S100A5: variants seen among roughly 807,000 people sequenced by gnomAD.
S100A5 encodes the protein protein S100-A5.
Under a neutral mutation model 6.7 loss-of-function variants are expected in S100A5, and 5 were observed. The ratio of observed to expected loss-of-function variants is 0.75; its 90% confidence interval spans 0.39 to 1.57. The LOEUF (loss-of-function observed/expected upper bound fraction) is 1.57, where lower values mean the gene tolerates loss of function less well. Among genes scored for constraint, S100A5 ranks in the 40% most tolerant of loss-of-function variants. The pLI is 0.03. For missense variants in S100A5, 129 were observed against 110.8 expected, an observed-to-expected ratio of 1.16 and a Z score of -0.74; for synonymous variants, 49 against 44.9, an observed-to-expected ratio of 1.09 and a Z score of -0.37.
upstream of S100A5, chr1:153,543,154 C>G (rs1376139574): frequency 1.1e-6 from 1 of 917,080 alleles, no homozygotes; most frequent in South Asian, 5.0e-5. Flanking sequence ...AACGTCAGCA[C>G]TGAGTGCCAG....
At chr1:153,542,490 C>T (rs1665420973), upstream of S100A5, among the ~76,000 whole-genome samples, 1 of 152,176 alleles carries the variant, frequency 6.6e-6, no homozygotes, top group Admixed American at 6.5e-5. Flanking sequence ...GAAATTCCTC[C>T]CAAGTCTCTG....
chr1:153,537,312 A>G lies in S100A5; in HGVS notation c.263T>C (p.Leu88Pro). 2 of 1,613,948 alleles carry G rather than the reference A, an allele frequency of 1.2e-6. No homozygotes were observed. The highest frequency in any genetic ancestry group is 1.7e-6 in the Non-Finnish European group (2 of 1,179,852). The change falls in exon 3 of 3, where the codon CTA (leucine) becomes CCA (proline). Residue 88 changes from leucine (L) to proline (P), a missense_variant. By Grantham distance (98) the Leu-to-Pro change is moderately conservative. Coordinates refer to ENST00000368717, the MANE Select transcript of S100A5 (RefSeq NM_001394232.1). ...MLCMAYNDFF[L>P]EDNK ...CAGCCCTGGTCACTTGTTGTCCTCTAGAAAGAAGTCGTTGTAGGCCATGCA... is the reference window on the plus strand; with the variant it reads ...CAGCCCTGGTCACTTGTTGTCCTCTGGAAAGAAGTCGTTGTAGGCCATGCA...
intron 2 of S100A5, among the ~76,000 whole-genome samples, chr1:153,539,424 C>CAAAAAAAA (rs149327889): frequency 2.8e-5 from 1 of 35,138 alleles, no homozygotes; most frequent in African/African-American, 1.3e-4. Flanking sequence ...GAGACTCTCT[C>CAAAAAAAA]AAAAAAAAAA....
chr1:153,537,453 T>C lies in S100A5; in HGVS notation c.139-17A>G. The C allele has an allele frequency of 6.2e-7, 1 of 1,613,586 alleles. No individual in the cohort carries two copies. The highest frequency in any genetic ancestry group is 8.5e-7 in the Non-Finnish European group (1 of 1,179,794). Reference sequence around the variant, plus strand: ...CTCCTTCATCTTTTGTGGACCCAGGTGGAGAGACAGCTCAGACCCCGCTCC... The same window carrying C: ...CTCCTTCATCTTTTGTGGACCCAGGCGGAGAGACAGCTCAGACCCCGCTCC... On this transcript the variant is annotated splice_polypyrimidine_tract_variant and intron_variant, in intron 2 of 2. Transcript: ENST00000368717.
In S100A5 at chr1:153,540,147, C is replaced by T. The variant is rs1185179377; in HGVS notation, c.45G>A (p.Thr15=). Residue 15 remains threonine, a synonymous_variant, in exon 2 of 3, where the codon ACG becomes ACA. Coordinates refer to ENST00000368717, the MANE Select transcript of S100A5 (RefSeq NM_001394232.1). ...CCTCTCTCCCCGAATATTTGTGAAA[C>T]GTGGTCACCATAGTGGTCAGGGCCT... ...LEKALTTMVT[T]FHKYSGREGS... is the part of the protein sequence containing the mutation. 5 of 1,614,144 alleles carry T rather than the reference C, an allele frequency of 3.1e-6. No homozygotes were observed. The highest frequency in any genetic ancestry group is 1.3e-5 in the African/African-American group (1 of 75,032).
chr1:153,538,779 C>A (rs1229949163), intron 2 of S100A5, among the ~76,000 whole-genome samples: 1 of 152,152 alleles, frequency 6.6e-6, no homozygotes, highest in South Asian at 2.1e-4. Context: ...CTCCCACTAG[C>A]GGATTGTCCT....
At chr1:153,541,298 TGGA>T, upstream of S100A5, 2 of 1,118,894 alleles carry the variant, frequency 1.8e-6, no homozygotes, top group Admixed American at 3.8e-5. Context: ...GCCTCCTTGG[TGGA>T]GGTCACCACC....
intron 2 of S100A5, among the ~76,000 whole-genome samples, chr1:153,539,213 G>A (rs1665286870): frequency 6.6e-6 from 1 of 151,528 alleles, no homozygotes; most frequent in East Asian, 1.9e-4. Context: ...GGATCACGAG[G>A]TCAGGTGTTC....
upstream of S100A5, chr1:153,543,555 A>C: frequency 3.4e-6 from 2 of 582,312 alleles, no homozygotes; most frequent in Non-Finnish European, 6.0e-6. Context: ...TCTCCCCACC[A>C]CCACCCCACA....
At position 153,540,159 on chromosome 1, in the gene S100A5, A is replaced by G. The variant is rs770711130; in HGVS notation, c.33T>C (p.Thr11=). 1.2e-6 allele frequency: 2 copies of G among 1,614,012 alleles called. No individual in the cohort carries two copies. Among genetic ancestry groups the G allele is most frequent in the Admixed American group, 1.7e-5 (1 of 59,998 alleles). The change falls in exon 2 of 3, where the codon ACT becomes ACC. Residue 11 remains threonine, a synonymous_variant. Coordinates refer to ENST00000368717, the MANE Select transcript of S100A5 (RefSeq NM_001394232.1). The part of the protein sequence containing the change: METPLEKALT[T]MVTTFHKYSG... ...AATATTTGTGAAACGTGGTCACCAT[A>G]GTGGTCAGGGCCTTCTCCAGAGGAG...
At chr1:153,542,723 G>A (rs1665426832), upstream of S100A5, among the ~76,000 whole-genome samples, 1 of 152,188 alleles carries the variant, frequency 6.6e-6, no homozygotes, top group South Asian at 2.1e-4. Flanking sequence ...GCACCCTGGA[G>A]CCACTGGCCT....
At chr1:153,541,713 G>A (rs1665394694), upstream of S100A5, 3 of 1,145,710 alleles carry the variant, frequency 2.6e-6, no homozygotes, top group Non-Finnish European at 3.3e-6. Context: ...GGAACAATAA[G>A]CCGAAGAAGG....
upstream of S100A5, chr1:153,543,128 C>G (rs1665443191): frequency 1.5e-6 from 1 of 685,850 alleles, no homozygotes; most frequent in African/African-American, 1.9e-5. Flanking sequence ...GGTGGCAGGA[C>G]AGGGCCTGGA....
chr1:153,539,287 C>T (rs943280587), intron 2 of S100A5, among the ~76,000 whole-genome samples: 32 of 150,794 alleles, frequency 2.1e-4, no homozygotes, highest in African/African-American at 7.6e-4. Flanking sequence ...ATTAGCTGGG[C>T]GTGATGGTGC....
chr1:153,540,014 C>T (rs751254770), intron 2 of S100A5, 40 bp downstream of exon 2: 17 of 1,610,020 alleles, frequency 1.1e-5, no homozygotes, highest in Admixed American at 1.7e-5. Context: ...AGAGGGAGTA[C>T]TCAGACTTTG....
At chr1:153,539,547 C>T (rs1571233548) in intron 2 of S100A5, among the ~76,000 whole-genome samples, 1 of 148,416 alleles carries the variant, frequency 6.7e-6, no homozygotes, top group Non-Finnish European at 1.5e-5. Context: ...TGTCAGTCAC[C>T]TCCCTCCCAC....
upstream of S100A5, among the ~76,000 whole-genome samples, chr1:153,541,219 G>A (rs1285092154): frequency 2.0e-5 from 3 of 152,158 alleles, no homozygotes; most frequent in Non-Finnish European, 4.4e-5. Flanking sequence ...CCACCCCAGA[G>A]CCATTTCTCA....
upstream of S100A5, chr1:153,541,631 G>A: frequency 1.7e-6 from 2 of 1,175,462 alleles, no homozygotes; most frequent in Non-Finnish European, 2.1e-6. Flanking sequence ...AGTTCCCATA[G>A]CACACACGTC....
upstream of S100A5, chr1:153,543,219 A>C: frequency 1.0e-6 from 1 of 985,250 alleles, no homozygotes; most frequent in Non-Finnish European, 1.2e-6. Context: ...ACTCAGCCTT[A>C]TTCTTTTCCC....
Sources: allele counts gnomAD v4.1 joint callset (sites outside exome capture counted in the v4.1 genomes callset), GRCh38; gene constraint gnomAD v4.1.1; transcripts MANE v1.5; gene names NCBI Gene and HGNC (gene_info 2026-07-23, HGNC 2026-07-21).